Variants in SCN9A observed in about 807,000 individuals in gnomAD.
The protein encoded by SCN9A is sodium channel protein type 9 subunit alpha.
In SCN9A, 131 loss-of-function variants were observed where a neutral mutation model predicts 187.0. The observed-to-expected ratio is 0.70, with a 90% CI of 0.61 to 0.81. SCN9A has a LOEUF of 0.81. Among genes scored for constraint, SCN9A ranks in the 30% least tolerant of loss-of-function variants. The pLI is 0.00. For synonymous variants in SCN9A, 809 were observed against 808.6 expected (o/e 1.00, Z -0.01); for missense variants, 2,252 against 2,396.6 (o/e 0.94, Z 1.26).
chr2:166,295,081 A>T (rs1263771832), intron 7 of SCN9A, among the ~76,000 whole-genome samples: 1 of 152,208 alleles, frequency 6.6e-6, no homozygotes, highest in Non-Finnish European at 1.5e-5. Context: ...TTAAACTAAG[A>T]CCTAAGTGTG....
At chr2:166,213,641 C>CAT (rs1171025757) in intron 24 of SCN9A, among the ~76,000 whole-genome samples, 3 of 152,060 alleles carry the variant, frequency 2.0e-5, no homozygotes, top group African/African-American at 7.2e-5. Context: ...CTTCGAAAGT[C>CAT]ATTTTATGGG....
At chr2:166,251,665 C>G (rs570990978) in intron 18 of SCN9A, 100 bp downstream of exon 18, 5 of 1,284,994 alleles carry the variant, frequency 3.9e-6, no homozygotes, top group Non-Finnish European at 5.5e-6. Flanking sequence ...GGAATGGAGT[C>G]TTCTGACTTA....
chr2:166,284,421 A>C, intron 12 of SCN9A, 32 bp downstream of exon 12: 1 of 1,569,568 alleles, frequency 6.4e-7, no homozygotes, highest in Non-Finnish European at 8.6e-7. Context: ...ACAAGGGCCC[A>C]GCCATGCCTG....
chr2:166,215,458 A>G (rs1269880140), intron 24 of SCN9A, among the ~76,000 whole-genome samples: 1 of 152,152 alleles, frequency 6.6e-6, no homozygotes, highest in Non-Finnish European at 1.5e-5. Context: ...AATGATAGAA[A>G]TAAACAAAGC....
chr2:166,207,567 A>C (rs1693872813), intron 24 of SCN9A, among the ~76,000 whole-genome samples: 1 of 152,036 alleles, frequency 6.6e-6, no homozygotes, highest in African/African-American at 2.4e-5. Context: ...CAGCCTCCCA[A>C]GTAGCTGGGA....
At chr2:166,207,986 G>T (rs79718583) in intron 24 of SCN9A, among the ~76,000 whole-genome samples, 5,092 of 152,264 alleles carry the variant, frequency 0.033, 124 homozygotes, top group Non-Finnish European at 0.055. Context: ...CAAAGTAATA[G>T]ATTTTGTTTT....
At chr2:166,316,631 T>C (rs1699116765) in intron 1 of SCN9A, among the ~76,000 whole-genome samples, 1 of 152,212 alleles carries the variant, frequency 6.6e-6, no homozygotes, top group Admixed American at 6.5e-5. Context: ...GAGGCGGAGC[T>C]TGCAGTGAGC....
chr2:166,321,837 C>A (rs1252311729), intron 1 of SCN9A, among the ~76,000 whole-genome samples: 4 of 98,186 alleles, frequency 4.1e-5, no homozygotes, highest in Admixed American at 1.3e-4. Flanking sequence ...TCTCCAAGTT[C>A]TTTTGAGGCA....
At chr2:166,260,737 C>A (rs919406409) in intron 17 of SCN9A, among the ~76,000 whole-genome samples, 4 of 151,500 alleles carry the variant, frequency 2.6e-5, no homozygotes, top group African/African-American at 9.7e-5. Context: ...TAATTCTGGG[C>A]AGAGAGTCAT....
At chr2:166,222,276 T>G (rs982673658) in intron 24 of SCN9A, among the ~76,000 whole-genome samples, 1 of 152,188 alleles carries the variant, frequency 6.6e-6, no homozygotes, top group Non-Finnish European at 1.5e-5. Context: ...GGCATGCAAA[T>G]GACCAACATG....
chr2:166,370,417 G>A (rs1362656959), intron 1 of SCN9A, among the ~76,000 whole-genome samples: 2 of 151,432 alleles, frequency 1.3e-5, no homozygotes, highest in Non-Finnish European at 1.5e-5. Context: ...GGTGGTAGGC[G>A]CCTGTAGTCC....
intron 17 of SCN9A, among the ~76,000 whole-genome samples, chr2:166,264,885 C>G (rs1302234319): frequency 6.6e-6 from 1 of 151,832 alleles, no homozygotes; most frequent in African/African-American, 2.4e-5. Flanking sequence ...ATCTCAGAAA[C>G]CTGAATCCAA....
intron 9 of SCN9A, among the ~76,000 whole-genome samples, chr2:166,291,021 A>C (rs559456244): frequency 2.6e-4 from 39 of 152,332 alleles, no homozygotes; most frequent in African/African-American, 9.4e-4. Flanking sequence ...AAACTGGCAC[A>C]AGACAAGGAT....
chr2:166,369,973 T>C (rs568478922), intron 1 of SCN9A, among the ~76,000 whole-genome samples: 16 of 152,192 alleles, frequency 1.1e-4, no homozygotes, highest in Admixed American at 5.9e-4. Context: ...CCTGACATAA[T>C]ATTTTATTAT....
At chr2:166,236,275 G>A (rs1306471051) in intron 20 of SCN9A, among the ~76,000 whole-genome samples, 1 of 151,980 alleles carries the variant, frequency 6.6e-6, no homozygotes, top group African/African-American at 2.4e-5. Flanking sequence ...TACTATATCC[G>A]AAGTTAGAAT....
intron 2 of SCN9A, among the ~76,000 whole-genome samples, chr2:166,307,693 G>A (rs1465482414): frequency 1.3e-5 from 2 of 152,014 alleles, no homozygotes; most frequent in Non-Finnish European, 2.9e-5. Context: ...ACTAACCACG[G>A]TAATTTAAAA....
chr2:166,206,433 A>G (rs1693808977), intron 24 of SCN9A, among the ~76,000 whole-genome samples: 1 of 152,304 alleles, frequency 6.6e-6, no homozygotes, highest in South Asian at 2.1e-4. Context: ...CAAACTCTGC[A>G]TGTTCTCACT....
At chr2:166,337,172 T>A (rs1699649137) in intron 1 of SCN9A, among the ~76,000 whole-genome samples, 1 of 152,100 alleles carries the variant, frequency 6.6e-6, no homozygotes, top group East Asian at 1.9e-4. Flanking sequence ...AGGCTGGAAA[T>A]GGCAGTTGAA....
Position 166,204,359 on chromosome 2 carries a change from C to T in SCN9A, c.4503+1G>A, listed in dbSNP as rs746241591. 1.2e-6 allele frequency: 2 copies of T among 1,601,180 alleles called. No homozygotes were observed. The highest frequency in any genetic ancestry group is 1.7e-6 in the Non-Finnish European group (2 of 1,171,008). ...TGCTAAAGATATATATATTTTTTTA[C>T]CCCTGGTCGAGGAATTGGCTTTTGT... On this transcript the variant is annotated splice_donor_variant, in intron 25 of 26. Transcript: ENST00000642356. LOFTEE classifies it high-confidence loss of function.
Sources: gnomAD v4.1 joint callset for allele counts (sites outside exome capture counted in the v4.1 genomes callset) on GRCh38, gnomAD v4.1.1 for gene constraint, MANE v1.5 for transcripts, NCBI Gene and HGNC (gene_info 2026-07-23, HGNC 2026-07-21) for gene names.